Variants in BLTP1 observed in about 807,000 individuals in gnomAD.
BLTP1 encodes the protein bridge-like lipid transfer protein family member 1.
At chr4:122,246,530 T>C in the BLTP1 span, 1 of 648,542 alleles carries the variant, frequency 1.5e-6, no homozygotes, top group Non-Finnish European at 1.9e-6. Context: ...TTAATTATGA[T>C]TATTTTATGA....
the BLTP1 span, chr4:122,249,471 T>A: frequency 6.2e-7 from 1 of 1,608,302 alleles, no homozygotes; most frequent in South Asian, 1.1e-5. Context: ...CATTTTGCTC[T>A]CTTTTGATAA....
At chr4:122,275,651 T>C in the BLTP1 span, among the ~76,000 whole-genome samples, 1 of 152,156 alleles carries the variant, frequency 6.6e-6, no homozygotes, top group African/African-American at 2.4e-5. Flanking sequence ...AACAGATTTT[T>C]GGTAAAGTAT....
chr4:122,229,138 G>A, the BLTP1 span: 1 of 1,602,832 alleles, frequency 6.2e-7, no homozygotes, highest in Non-Finnish European at 8.5e-7. Flanking sequence ...GTATTCCTGG[G>A]CCTTGTCCAA....
At chr4:122,223,377 C>T in the BLTP1 span, among the ~76,000 whole-genome samples, 3 of 152,212 alleles carry the variant, frequency 2.0e-5, no homozygotes, top group East Asian at 1.9e-4. Context: ...TTGCGAACTG[C>T]CTCAATGTAT....
the BLTP1 span, chr4:122,152,860 C>T: frequency 4.7e-6 from 2 of 422,432 alleles, no homozygotes; most frequent in Non-Finnish European, 6.3e-6. Context: ...TAAGGCGCTC[C>T]ACTTGCTGGT....
chr4:122,228,868 A>G, the BLTP1 span, among the ~76,000 whole-genome samples: 3 of 152,168 alleles, frequency 2.0e-5, no homozygotes, highest in East Asian at 3.8e-4. Flanking sequence ...TGTATTGTCC[A>G]TTAGACTTGC....
At chr4:122,162,550 G>T in the BLTP1 span, 1 of 985,380 alleles carries the variant, frequency 1.0e-6, no homozygotes, top group Non-Finnish European at 1.2e-6. Context: ...AAATCTTGCT[G>T]AGATGGGGTG....
the BLTP1 span, chr4:122,245,160 A>G: frequency 2.5e-6 from 4 of 1,592,684 alleles, no homozygotes; most frequent in Admixed American, 1.7e-5. Context: ...TTTTAATTCA[A>G]TGGGCATAGC....
the BLTP1 span, chr4:122,346,861 C>G: frequency 6.7e-7 from 1 of 1,502,498 alleles, no homozygotes; most frequent in Non-Finnish European, 8.9e-7. Context: ...CCATGTGATG[C>G]GTTCAGTCAT....
At chr4:122,154,353 A>G in the BLTP1 span, 1 of 984,394 alleles carries the variant, frequency 1.0e-6, no homozygotes, top group East Asian at 1.1e-4. Flanking sequence ...ATCTGCCTAT[A>G]TTGCTAGGGA....
At chr4:122,260,336 C>T in the BLTP1 span, among the ~76,000 whole-genome samples, 22 of 152,072 alleles carry the variant, frequency 1.4e-4, no homozygotes, top group East Asian at 3.9e-3. Context: ...GTATTGTAAA[C>T]AGAACAGTAA....
the BLTP1 span, chr4:122,182,733 A>G: frequency 5.1e-6 from 5 of 985,112 alleles, no homozygotes; most frequent in East Asian, 1.1e-4. Flanking sequence ...TTTTTCCTCC[A>G]TTCACATTCA....
At chr4:122,217,812 T>G in the BLTP1 span, among the ~76,000 whole-genome samples, 1 of 152,206 alleles carries the variant, frequency 6.6e-6, no homozygotes, top group Non-Finnish European at 1.5e-5. Context: ...AAATGTCTGA[T>G]AGAATTCAGC....
At chr4:122,307,893 A>G in the BLTP1 span, 8 of 1,566,856 alleles carry the variant, frequency 5.1e-6, no homozygotes, top group East Asian at 1.6e-4. Flanking sequence ...TACTTAACAT[A>G]TAGATTTACA....
chr4:122,158,059 G>A, the BLTP1 span, among the ~76,000 whole-genome samples: 1 of 151,878 alleles, frequency 6.6e-6, no homozygotes, highest in Non-Finnish European at 1.5e-5. Context: ...TGCTACATAG[G>A]AAAAAAGAAA....
chr4:122,152,693 G>A, the BLTP1 span: 1 of 937,212 alleles, frequency 1.1e-6, no homozygotes, highest in Non-Finnish European at 1.3e-6. Context: ...AGTAGTGGCT[G>A]CCTGCGGCGG....
the BLTP1 span, chr4:122,189,420 G>A: frequency 5.0e-5 from 49 of 982,574 alleles, no homozygotes; most frequent in Non-Finnish European, 1.5e-5. Context: ...TAGAGTTCAC[G>A]ATGTTTGCTC....
the BLTP1 span, chr4:122,189,676 C>A: frequency 1.1e-6 from 1 of 924,284 alleles, no homozygotes; most frequent in Non-Finnish European, 1.3e-6. Context: ...ATCGATTTCT[C>A]TCATTCAAAA....
chr4:122,309,506 A>C, the BLTP1 span: 4 of 1,553,556 alleles, frequency 2.6e-6, no homozygotes, highest in Non-Finnish European at 2.6e-6. Context: ...GAACTTAAAA[A>C]ATAAAACATT....
Sources: gnomAD v4.1 joint callset for allele counts (sites outside exome capture counted in the v4.1 genomes callset) on GRCh38, gnomAD v4.1.1 for gene constraint, MANE v1.5 for transcripts, NCBI Gene and HGNC (gene_info 2026-07-23, HGNC 2026-07-21) for gene names.